The following INHBB variants were observed in gnomAD, a reference collection of about 807,000 sequenced individuals.
INHBB encodes the protein inhibin subunit beta B.
Under a neutral mutation model 28.9 loss-of-function variants are expected in INHBB, and 8 were observed. That is an observed-to-expected ratio of 0.28 (90% CI 0.16 to 0.50). The LOEUF is 0.50. Ranked by LOEUF, INHBB falls within the 20% of genes least tolerant of loss-of-function variation. INHBB has a pLI of 0.98. For synonymous variants in INHBB, 293 were observed against 262.7 expected, an observed-to-expected ratio of 1.12 and a Z score of -1.12; for missense variants, 499 against 597.8, an observed-to-expected ratio of 0.83 and a Z score of 1.72.
chr2:120,348,065 G>A (rs1691192393), intron 1 of INHBB, among the ~76,000 whole-genome samples: 1 of 152,084 alleles, frequency 6.6e-6, no homozygotes, highest in Non-Finnish European at 1.5e-5. Context: ...GCTCGTCCAA[G>A]ACCAGCTTTT....
chr2:120,348,961 G>A, intron 1 of INHBB, 138 bp from the exon 2 acceptor site: 1 of 1,022,300 alleles, frequency 9.8e-7, no homozygotes, highest in East Asian at 2.6e-5. Context: ...CTGGCCCCAA[G>A]AATGGTATTT....
chr2:120,346,172 G>T lies in INHBB; in HGVS notation c.-17G>T, dbSNP rs1436998196. On this transcript the variant is annotated 5_prime_UTR_variant, in exon 1 of 2. Transcript: ENST00000295228. ...GGCTCGCCTCGCGGCGGGCGCCCTC[G>T]TCGCCAGCGGCGCACCATGGACGGG... 1.7e-6 allele frequency: 2 copies of T among 1,149,716 alleles called. No individual in the cohort carries two copies. Among genetic ancestry groups the T allele is most frequent in the African/African-American group, 3.3e-5 (2 of 60,810 alleles). The allele number at this position is 1,149,716 out of a possible 1,614,324, so 71.2% of individuals were successfully genotyped here.
Position 120,349,229 on chromosome 2 carries a change from C to T in INHBB, c.579C>T (p.Ser193=). The T allele has an allele frequency of 6.2e-7, 1 of 1,614,200 alleles. No individual in the cohort carries two copies. Among genetic ancestry groups the T allele is most frequent in the Non-Finnish European group, 8.5e-7 (1 of 1,180,052 alleles). ...TGCCCTACGTCCTGGAGAAGGGCAG[C>T]CGGCGGAAGGTGCGGGTCAAAGTGT... is the stretch of plus-strand genomic sequence containing the variant. ...KLLPYVLEKG[S]RRKVRVKVYF... The change falls in exon 2 of 2, where the codon AGC becomes AGT. Residue 193 remains serine (S), a synonymous_variant. Transcript: ENST00000295228. This position sits in a 1 kb window ranked among gnomAD's most constrained non-coding sequence, Gnocchi z 5.6.
chr2:120,349,276 G>A lies in INHBB; in HGVS notation c.626G>A (p.Gly209Asp). The change falls in exon 2 of 2, where the codon GGT becomes GAT. Residue 209 changes from glycine (G) to aspartate (D), a missense_variant. Transcript: ENST00000295228. This position sits in a 1 kb window ranked among gnomAD's most constrained non-coding sequence, Gnocchi z 5.6. ...VKVYFQEQGHGDRWNMVEKRV... is the reference protein window; with the variant it reads ...VKVYFQEQGHDDRWNMVEKRV... ...GTGTACTTCCAGGAGCAGGGCCACG[G>A]TGACAGGTGGAACATGGTGGAGAAG... is the stretch of plus-strand genomic sequence containing the variant. 6.2e-7 allele frequency: 1 copy of A among 1,614,206 alleles called. No homozygotes were observed. Among genetic ancestry groups the A allele is most frequent in the Non-Finnish European group, 8.5e-7 (1 of 1,180,050 alleles).
chr2:120,346,586 G>C lies in INHBB; in HGVS notation c.398G>C (p.Gly133Ala). The C allele has an allele frequency of 6.8e-7, 1 of 1,462,850 alleles. No homozygotes were observed. Among genetic ancestry groups the C allele is most frequent in the African/African-American group, 1.5e-5 (1 of 68,054 alleles). 90.6% of individuals were successfully genotyped at this position (1,462,850 alleles called of 1,614,324 possible). ...IPHLDGHASP[G>A]ADGQERVSEI... Reference sequence around the variant, plus strand: ...CACCTCGACGGCCACGCCAGCCCGGGCGCCGACGGCCAGGAGCGCGTTTCC... The same window carrying C: ...CACCTCGACGGCCACGCCAGCCCGGCCGCCGACGGCCAGGAGCGCGTTTCC... The change falls in exon 1 of 2, where the codon GGC (glycine) becomes GCC (alanine). Residue 133 changes from glycine to alanine, a missense_variant. By Grantham distance (60) the Gly-to-Ala change is moderately conservative. Coordinates refer to ENST00000295228, the MANE Select transcript of INHBB (RefSeq NM_002193.4).
Position 120,346,636 on chromosome 2 carries a change from G to C in INHBB, c.448G>C (p.Asp150His). ...CGAAATCATCAGCTTCGCCGAGACA[G>C]GTGGGTCCGGCCCTCCGGCTGTCTG... ...VSEIISFAET[D>H]GLASSRVRLY... is the part of the protein sequence containing the mutation. The change falls in exon 1 of 2, where the codon GAT becomes CAT. Residue 150 changes from aspartate (D) to histidine (H), a missense_variant and splice_region_variant. Physicochemically the swap from Asp to His is moderately conservative, Grantham distance 81 (BLOSUM62 -1). Coordinates refer to ENST00000295228, the MANE Select transcript of INHBB (RefSeq NM_002193.4). 6.9e-7 allele frequency: 1 copy of C among 1,438,856 alleles called. No homozygotes were observed. The highest frequency in any genetic ancestry group is 9.1e-7 in the Non-Finnish European group (1 of 1,102,082). 89.1% of individuals were successfully genotyped at this position (1,438,856 alleles called of 1,614,324 possible).
intron 1 of INHBB, among the ~76,000 whole-genome samples, chr2:120,348,206 A>G (rs1426673994): frequency 1.9e-5 from 2 of 107,970 alleles, no homozygotes; most frequent in Non-Finnish European, 3.4e-5. Context: ...ACAGAGTTTC[A>G]TTATTTGTTC....
chr2:120,349,586 C>T lies in INHBB; in HGVS notation c.936C>T (p.Phe312=). Residue 312 remains phenylalanine (F), a synonymous_variant, in exon 2 of 2, where the codon TTC becomes TTT. Transcript: ENST00000295228. The surrounding 1 kb of genome is among the most constrained non-coding windows in gnomAD (Gnocchi z 5.6). ...LCCRQQFFID[F]RLIGWNDWII... is the part of the protein sequence containing the mutation. The stretch of plus-strand genomic sequence containing the variant: ...GCAGGCAACAGTTCTTCATTGACTT[C>T]CGCCTCATCGGCTGGAACGACTGGA... 1 of 1,614,148 alleles carries T rather than the reference C, an allele frequency of 6.2e-7. No homozygotes were observed. Among genetic ancestry groups the T allele is most frequent in the African/African-American group, 1.3e-5 (1 of 75,058 alleles).
At chr2:120,346,659 C>A in intron 1 of INHBB, 23 bp downstream of exon 1, 1 of 1,407,886 alleles carries the variant, frequency 7.1e-7, no homozygotes, top group Non-Finnish European at 9.2e-7. Context: ...CTCCGGCTGT[C>A]TGCCGCGGTC....
chr2:120,347,397 C>A (rs1424689579), intron 1 of INHBB, among the ~76,000 whole-genome samples: 1 of 98,642 alleles, frequency 1.0e-5, no homozygotes, highest in Non-Finnish European at 1.9e-5. Context: ...TGGAATCCGC[C>A]CCCCCCCCCG....
At chr2:120,347,526 G>C (rs1444361512) in intron 1 of INHBB, among the ~76,000 whole-genome samples, 1 of 152,110 alleles carries the variant, frequency 6.6e-6, no homozygotes, top group Non-Finnish European at 1.5e-5. Context: ...AAGTGCTTTC[G>C]ACTCCGCTGT....
chr2:120,348,492 G>C (rs912963588), intron 1 of INHBB, among the ~76,000 whole-genome samples: 1 of 151,986 alleles, frequency 6.6e-6, no homozygotes, highest in East Asian at 1.9e-4. Context: ...ATAAGGGCTA[G>C]GCTCTGCAGC....
Position 120,346,434 on chromosome 2 carries a change from C to T in INHBB, c.246C>T (p.Ile82=). ...GDFLEAVKRH[I]LSRLQMRGRP... Reference sequence around the variant, plus strand: ...TCCTGGAGGCGGTGAAGCGGCACATCTTGAGCCGCCTGCAGATGCGGGGCC... The same window carrying T: ...TCCTGGAGGCGGTGAAGCGGCACATTTTGAGCCGCCTGCAGATGCGGGGCC... The change falls in exon 1 of 2, where the codon ATC becomes ATT. Residue 82 remains isoleucine, a synonymous_variant. Coordinates refer to ENST00000295228, the MANE Select transcript of INHBB (RefSeq NM_002193.4). 1.3e-6 allele frequency: 2 copies of T among 1,553,470 alleles called. No individual in the cohort carries two copies.
chr2:120,346,162 G>A lies in INHBB; in HGVS notation c.-27G>A. ...GGCTCGACTCGGCTCGCCTCGCGGC[G>A]GGCGCCCTCGTCGCCAGCGGCGCAC... On this transcript the variant is annotated 5_prime_UTR_variant, in exon 1 of 2. Coordinates refer to ENST00000295228, the MANE Select transcript of INHBB (RefSeq NM_002193.4). 1.8e-6 allele frequency: 2 copies of A among 1,120,324 alleles called. No homozygotes were observed. Among genetic ancestry groups the A allele is most frequent in the Non-Finnish European group, 2.2e-6 (2 of 918,900 alleles). The allele number at this position is 1,120,324 out of a possible 1,614,324, so 69.4% of individuals were successfully genotyped here.
rs764607634 is a variant in INHBB at position 120,349,166 on chromosome 2, T to C, written c.516T>C (p.Phe172=). The C allele has an allele frequency of 6.2e-7, 1 of 1,614,080 alleles. No homozygotes were observed. Among genetic ancestry groups the C allele is most frequent in the Non-Finnish European group, 8.5e-7 (1 of 1,180,004 alleles). ...FISNEGNQNL[F]VVQASLWLYL... ...CCAACGAAGGCAACCAGAACCTGTTTGTGGTCCAGGCCAGCCTGTGGCTTT... is the reference window on the plus strand; with the variant it reads ...CCAACGAAGGCAACCAGAACCTGTTCGTGGTCCAGGCCAGCCTGTGGCTTT... Residue 172 remains phenylalanine (F), a synonymous_variant, in exon 2 of 2, where the codon TTT becomes TTC. Transcript: ENST00000295228. The surrounding 1 kb of genome is among the most constrained non-coding windows in gnomAD (Gnocchi z 5.6).
At chr2:120,348,534 T>C (rs1691201681) in intron 1 of INHBB, among the ~76,000 whole-genome samples, 1 of 151,814 alleles carries the variant, frequency 6.6e-6, no homozygotes, top group Non-Finnish European at 1.5e-5. Context: ...GTCAGAAACC[T>C]GAGCAGAGCC....
In INHBB at chr2:120,349,313, C is replaced by G; in HGVS notation, c.663C>G (p.Leu221=). The change falls in exon 2 of 2, where the codon CTC becomes CTG. Residue 221 remains leucine (L), a synonymous_variant. Transcript: ENST00000295228. This position sits in a 1 kb window ranked among gnomAD's most constrained non-coding sequence, Gnocchi z 5.6. The part of the protein sequence containing the change: ...RWNMVEKRVD[L]KRSGWHTFPL... The stretch of plus-strand genomic sequence containing the variant: ...ACATGGTGGAGAAGAGGGTGGACCT[C>G]AAGCGCAGCGGCTGGCATACCTTCC... The G allele has an allele frequency of 4.3e-6, 7 of 1,614,134 alleles. No individual in the cohort carries two copies. The highest frequency in any genetic ancestry group is 1.3e-5 in the African/African-American group (1 of 75,064).
At chr2:120,347,948 C>G (rs1181631777) in intron 1 of INHBB, among the ~76,000 whole-genome samples, 4 of 152,134 alleles carry the variant, frequency 2.6e-5, no homozygotes. Context: ...GTCGAGGAGG[C>G]CTTTTGGTCC....
chr2:120,346,990 G>A (rs1691167326), intron 1 of INHBB, among the ~76,000 whole-genome samples: 2 of 152,220 alleles, frequency 1.3e-5, no homozygotes, highest in African/African-American at 4.8e-5. Context: ...TAATGTTTTT[G>A]TTTCCCACGA....
Sources: allele counts gnomAD v4.1 joint callset (sites outside exome capture counted in the v4.1 genomes callset), GRCh38; gene constraint gnomAD v4.1.1; non-coding constraint Gnocchi (gnomAD v3.1); transcripts MANE v1.5; gene names NCBI Gene and HGNC (gene_info 2026-07-23, HGNC 2026-07-21).